AKAP11: variants seen among roughly 807,000 people sequenced by gnomAD.
AKAP11 encodes the protein A-kinase anchoring protein 11.
A neutral mutation model predicts 146.1 loss-of-function variants in AKAP11; 36 were observed. The ratio of observed to expected loss-of-function variants is 0.25; its 90% CI spans 0.19 to 0.33. The LOEUF (loss-of-function observed/expected upper bound fraction) is 0.33, where lower values mean the gene tolerates loss of function less well. Among genes scored for constraint, AKAP11 ranks in the 10% least tolerant of loss-of-function variants. The probability of loss-of-function intolerance (pLI) is 1.00; values close to 1 mark genes in which losing one functional copy is unlikely to be tolerated. For synonymous variants in AKAP11, 780 were observed against 786.5 expected, an observed-to-expected ratio of 0.99 and a Z score of 0.14; for missense variants, 2,201 against 2,197.0, an observed-to-expected ratio of 1.00 and a Z score of -0.04.
rs764875054 is a variant in AKAP11 at position 42,302,718 on chromosome 13, A to G, written c.3972A>G (p.Pro1324=). Residue 1324 remains proline, a synonymous_variant, in exon 8 of 13, where the codon CCA becomes CCG. Transcript: ENST00000025301. ...ATCCGTTTATTCTTTCATTACCACCAAGTTCTTGTATGTCAGGTCTGATGT... is the reference window on the plus strand; with the variant it reads ...ATCCGTTTATTCTTTCATTACCACCGAGTTCTTGTATGTCAGGTCTGATGT... ...EVDPFILSLP[P]SSCMSGLMYK... is the part of the protein sequence containing the mutation. The G allele has an allele frequency of 1.7e-5, 27 of 1,613,994 alleles. No individual in the cohort carries two copies. In the South Asian group the frequency reaches 2.7e-4, roughly 16 times the overall value.
intron 3 of AKAP11, among the ~76,000 whole-genome samples, chr13:42,290,035 A>C (rs1016277683): frequency 6.6e-5 from 10 of 152,128 alleles, no homozygotes; most frequent in African/African-American, 2.2e-4. Flanking sequence ...TTCCAAACAC[A>C]GATTTCCCTG....
At chr13:42,272,109 G>A (rs1958780261), upstream of AKAP11, 1 of 115,388 alleles carries the variant, frequency 8.7e-6, no homozygotes, top group Non-Finnish European at 2.0e-5. Flanking sequence ...GCGGGCCGCG[G>A]GGCTGGGAGG....
chr13:42,297,561 A>C (rs987789600), intron 6 of AKAP11, among the ~76,000 whole-genome samples: 2 of 151,986 alleles, frequency 1.3e-5, no homozygotes, highest in African/African-American at 4.8e-5. Flanking sequence ...GTTTTAGAGA[A>C]TGTACTTCAG....
At chr13:42,293,297 C>T (rs1339085009) in intron 4 of AKAP11, among the ~76,000 whole-genome samples, 2 of 152,202 alleles carry the variant, frequency 1.3e-5, no homozygotes, top group African/African-American at 4.8e-5. Flanking sequence ...CATTTAAGAC[C>T]TCATAAATCC....
chr13:42,315,647 TAAG>T (rs1219282485), intron 11 of AKAP11, among the ~76,000 whole-genome samples: 1 of 152,224 alleles, frequency 6.6e-6, no homozygotes, highest in Non-Finnish European at 1.5e-5. Context: ...ACCAGGCTGT[TAAG>T]GATTTCTTTT....
chr13:42,279,824 T>C (rs1354995820), intron 1 of AKAP11, among the ~76,000 whole-genome samples: 1 of 152,174 alleles, frequency 6.6e-6, no homozygotes, highest in Non-Finnish European at 1.5e-5. Context: ...TTGGATTTAG[T>C]TGGGGTGCAC....
rs1373288232 is a variant in AKAP11 at position 42,303,020 on chromosome 13, G to C, written c.4274G>C (p.Arg1425Thr). The C allele has an allele frequency of 6.2e-7, 1 of 1,613,008 alleles. No homozygotes were observed. Among genetic ancestry groups the C allele is most frequent in the South Asian group, 1.1e-5 (1 of 90,978 alleles). Residue 1425 changes from arginine (R) to threonine (T), a missense_variant, in exon 8 of 13, where the codon AGA becomes ACA. By Grantham distance (71) the Arg-to-Thr change is moderately conservative (BLOSUM62 -1). This residue lies in a region of AKAP11 where 1,867 missense variants were observed against 1,833.5 expected (regional missense o/e 1.02). Coordinates refer to ENST00000025301, the MANE Select transcript of AKAP11 (RefSeq NM_016248.4). ...CACCACCAAGAAGCAGACAAAAAGA[G>C]ACAAAGTAAAAGAAATGAAGGTTAC... Reference protein sequence around the residue: ...KEHHQEADKKRQSKRNEGYFC... With the variant: ...KEHHQEADKKTQSKRNEGYFC...
chr13:42,311,028 A>G (rs1480703754), intron 9 of AKAP11, among the ~76,000 whole-genome samples: 1 of 151,476 alleles, frequency 6.6e-6, no homozygotes, highest in Non-Finnish European at 1.5e-5. Flanking sequence ...TCTGTCTGTG[A>G]CTGTCTTAAA....
At position 42,302,364 on chromosome 13, in the gene AKAP11, C is replaced by A. The variant is rs768656953; in HGVS notation, c.3618C>A (p.Ile1206=). The change falls in exon 8 of 13, where the codon ATC becomes ATA. Residue 1206 remains isoleucine (I), a synonymous_variant. Coordinates refer to ENST00000025301, the MANE Select transcript of AKAP11 (RefSeq NM_016248.4). ...VQFAEALATH[I]LSLATEMAAS... ...TTGCAGAAGCATTAGCTACACACAT[C>A]CTTTCTCTTGCAACTGAAATGGCAG... is the stretch of plus-strand genomic sequence containing the variant. 2.5e-6 allele frequency: 4 copies of A among 1,614,002 alleles called. No individual in the cohort carries two copies. The East Asian group carries it at 8.9e-5, about 36-fold the overall frequency.
Position 42,300,961 on chromosome 13 carries a change from G to T in AKAP11, c.2215G>T (p.Ala739Ser), listed in dbSNP as rs763930822. 6.2e-7 allele frequency: 1 copy of T among 1,614,124 alleles called. No individual in the cohort carries two copies. Among genetic ancestry groups the T allele is most frequent in the East Asian group, 2.2e-5 (1 of 44,884 alleles). The change falls in exon 8 of 13, where the codon GCT becomes TCT. Residue 739 changes from alanine to serine, a missense_variant. Coordinates refer to ENST00000025301, the MANE Select transcript of AKAP11 (RefSeq NM_016248.4). Reference sequence around the variant, plus strand: ...AGAAAGTGTAGTGCCATCGACACAGGCTGTCACGTTTTCCCCTTCTTTTCA... The same window carrying T: ...AGAAAGTGTAGTGCCATCGACACAGTCTGTCACGTTTTCCCCTTCTTTTCA... The part of the protein sequence containing the change: ...SAESVVPSTQ[A>S]VTFSPSFHNQ...
At chr13:42,318,715 G>A (rs550391163) in intron 12 of AKAP11, among the ~76,000 whole-genome samples, 2 of 152,214 alleles carry the variant, frequency 1.3e-5, no homozygotes, top group South Asian at 2.1e-4. Flanking sequence ...TGAGTTTGAC[G>A]TTGTCTTTAT....
intron 10 of AKAP11, among the ~76,000 whole-genome samples, chr13:42,313,392 C>T (rs1960658364): frequency 2.6e-5 from 4 of 152,144 alleles, no homozygotes; most frequent in African/African-American, 9.7e-5. Context: ...CCAATTATTT[C>T]ATTCAAAAGA....
intron 4 of AKAP11, among the ~76,000 whole-genome samples, chr13:42,293,113 G>A (rs749189556): frequency 2.0e-5 from 3 of 151,958 alleles, no homozygotes; most frequent in Non-Finnish European, 2.9e-5. Context: ...TACCAAATAC[G>A]AGATGTATTA....
rs1449671442 is a variant in AKAP11 at position 42,302,045 on chromosome 13, C to T, written c.3299C>T (p.Thr1100Ile). The change falls in exon 8 of 13, where the codon ACT becomes ATT. Residue 1100 changes from threonine to isoleucine, a missense_variant. By Grantham distance (89) the Thr-to-Ile change is moderately conservative (BLOSUM62 -1). This residue lies in a region of AKAP11 where 1,867 missense variants were observed against 1,833.5 expected (regional missense o/e 1.02). Transcript: ENST00000025301. ...KVRDRNVIPD[T>I]PPSTPLVPSR... ...AGAGACAGAAATGTAATACCTGATA[C>T]TCCTCCATCAACTCCTCTAGTACCA... 6.2e-7 allele frequency: 1 copy of T among 1,614,116 alleles called. No individual in the cohort carries two copies. The highest frequency in any genetic ancestry group is 8.5e-7 in the Non-Finnish European group (1 of 1,179,994).
chr13:42,298,555 G>A lies in AKAP11; in HGVS notation c.374G>A (p.Cys125Tyr). 1 of 1,609,346 alleles carries A rather than the reference G, an allele frequency of 6.2e-7. No individual in the cohort carries two copies. Reference protein sequence around the residue: ...LNQSHPSGMLCVMRVSPTSPR... With the variant: ...LNQSHPSGMLYVMRVSPTSPR... Reference sequence around the variant, plus strand: ...AAGAGTCATCCTTCTGGAATGCTTTGTGTCATGAGAGTGTCACCTACATCA... The same window carrying A: ...AAGAGTCATCCTTCTGGAATGCTTTATGTCATGAGAGTGTCACCTACATCA... Residue 125 changes from cysteine to tyrosine, a missense_variant, in exon 7 of 13, where the codon TGT becomes TAT. This residue lies in a region of AKAP11 where 331 missense variants were observed against 347.4 expected (regional missense o/e 0.95). Coordinates refer to ENST00000025301, the MANE Select transcript of AKAP11 (RefSeq NM_016248.4).
intron 11 of AKAP11, among the ~76,000 whole-genome samples, chr13:42,314,684 T>C (rs946027666): frequency 6.6e-6 from 1 of 152,172 alleles, no homozygotes; most frequent in Non-Finnish European, 1.5e-5. Context: ...CAGTAAGTAA[T>C]ATTTTTACTT....
rs1236786089 is a variant in AKAP11, at chr13:42,302,955, G to A, written c.4209G>A (p.Val1403=). ...SRMFPVPSSQ[V]KTNKELLMFS... is the part of the protein sequence containing the mutation. ...TGTTCCCTGTGCCAAGTTCACAAGT[G>A]AAAACAAACAAGGAACTGTTAATGT... The change falls in exon 8 of 13, where the codon GTG becomes GTA. Residue 1403 remains valine (V), a synonymous_variant. Coordinates refer to ENST00000025301, the MANE Select transcript of AKAP11 (RefSeq NM_016248.4). The A allele has an allele frequency of 6.2e-7, 1 of 1,613,740 alleles. No individual in the cohort carries two copies. The highest frequency in any genetic ancestry group is 8.5e-7 in the Non-Finnish European group (1 of 1,179,972).
chr13:42,308,841 A>G, intron 9 of AKAP11, among the ~76,000 whole-genome samples: 1 of 152,164 alleles, frequency 6.6e-6, no homozygotes. Flanking sequence ...AAAATATTGC[A>G]TACATTTAAT....
intron 9 of AKAP11, among the ~76,000 whole-genome samples, chr13:42,312,276 T>A (rs930708638): frequency 2.6e-4 from 39 of 152,342 alleles, no homozygotes; most frequent in Middle Eastern, 3.4e-3. Context: ...TTGCTTTTTT[T>A]AAAAATTGCT....
Sources: gnomAD v4.1 joint callset for allele counts (sites outside exome capture counted in the v4.1 genomes callset) on GRCh38, gnomAD v4.1.1 for gene constraint, gnomAD v4.1.1 regional missense constraint, MANE v1.5 for transcripts, NCBI Gene and HGNC (gene_info 2026-07-23, HGNC 2026-07-21) for gene names.